The following SUGP1 variants were observed in gnomAD, a reference collection of about 807,000 sequenced individuals.
SUGP1 encodes the protein SURP and G-patch domain-containing protein 1.
Under a neutral mutation model 76.5 loss-of-function variants are expected in SUGP1, and 34 were observed. That is an observed-to-expected ratio of 0.44 (90% CI 0.34 to 0.59). The LOEUF (loss-of-function observed/expected upper bound fraction) is 0.59, where lower values mean the gene tolerates loss of function less well. Ranked by LOEUF, SUGP1 falls within the 20% of genes least tolerant of loss-of-function variation. The pLI, the probability that SUGP1 is intolerant of heterozygous loss-of-function variation, is 0.01. For missense variants in SUGP1, 752 were observed against 851.7 expected, an observed-to-expected ratio of 0.88 and a Z score of 1.46; for synonymous variants, 326 against 326.2, an observed-to-expected ratio of 1.00 and a Z score of 0.01.
At chr19:19,290,456 C>T (rs1271738651) in intron 8 of SUGP1, among the ~76,000 whole-genome samples, 2 of 152,050 alleles carry the variant, frequency 1.3e-5, no homozygotes, top group Non-Finnish European at 2.9e-5. Context: ...CCAGCCTGGC[C>T]AACGTGGCAA....
At chr19:19,319,996 C>G (rs2061428196) in intron 1 of SUGP1, among the ~76,000 whole-genome samples, 1 of 152,124 alleles carries the variant, frequency 6.6e-6, no homozygotes, top group Admixed American at 6.6e-5. Flanking sequence ...TCTGGGGAAG[C>G]AGAAAGGCCA....
At position 19,303,534 on chromosome 19, in the gene SUGP1, G is replaced by T; in HGVS notation, c.663-86C>A. ...CTGCAGCTTCTATCGTGCAAAAAAA[G>T]GCAGGCTGGCGAGCAGGGACCCGAA... On this transcript the variant is annotated intron_variant, in intron 5 of 13. Coordinates refer to ENST00000247001, the MANE Select transcript of SUGP1 (RefSeq NM_172231.4). 4 of 1,412,204 alleles carry T rather than the reference G, an allele frequency of 2.8e-6. No homozygotes were observed. The South Asian group carries it at 4.7e-5, about 17-fold the overall frequency. The allele number at this position is 1,412,204 out of a possible 1,614,324, so 87.5% of individuals were successfully genotyped here. A position where few individuals can be genotyped will look rare whatever the true frequency, so the allele number is the denominator to read the frequency against.
intron 8 of SUGP1, among the ~76,000 whole-genome samples, chr19:19,283,439 AG>A (rs2061115314): frequency 1.8e-5 from 2 of 114,118 alleles, no homozygotes; most frequent in African/African-American, 8.8e-5. Context: ...ATGCCCAGCT[AG>A]TTTTTTTTTT....
At chr19:19,315,766 C>T (rs1198702535) in intron 2 of SUGP1, among the ~76,000 whole-genome samples, 4 of 152,116 alleles carry the variant, frequency 2.6e-5, no homozygotes, top group African/African-American at 9.7e-5. Flanking sequence ...TGTTATCTTC[C>T]AGGAGCTCTG....
chr19:19,290,839 C>G (rs979988702), intron 8 of SUGP1, among the ~76,000 whole-genome samples: 2 of 151,956 alleles, frequency 1.3e-5, no homozygotes, highest in African/African-American at 4.8e-5. Context: ...AAGAAAGAGG[C>G]TGGGTGTGGT....
intron 12 of SUGP1, 92 bp from the exon 13 acceptor site, chr19:19,277,168 G>A (rs941493512): frequency 2.0e-5 from 29 of 1,467,900 alleles, no homozygotes; most frequent in African/African-American, 1.7e-4. Flanking sequence ...CACCTCCCGC[G>A]GGTGCAGGGC....
intron 8 of SUGP1, among the ~76,000 whole-genome samples, chr19:19,287,320 G>A (rs575607061): frequency 3.9e-5 from 6 of 152,238 alleles, no homozygotes; most frequent in Non-Finnish European, 8.8e-5. Context: ...CAGCATATTG[G>A]GAAGCTGAGG....
intron 3 of SUGP1, among the ~76,000 whole-genome samples, chr19:19,308,293 C>T (rs1175496041): frequency 6.6e-6 from 1 of 152,210 alleles, no homozygotes; most frequent in African/African-American, 2.4e-5. Flanking sequence ...CTTCGGCCTC[C>T]CAAAGTGCTG....
At chr19:19,310,285 T>C in intron 2 of SUGP1, 85 bp from the exon 3 acceptor site, 1 of 1,039,318 alleles carries the variant, frequency 9.6e-7, no homozygotes, top group Admixed American at 1.8e-5. Context: ...GATGAGGCCA[T>C]CACCTCGTCC....
intron 7 of SUGP1, 56 bp from the exon 8 acceptor site, chr19:19,297,400 A>ATTCTGGGCAGGATCAGTTCTGGCC: frequency 2.2e-6 from 3 of 1,349,532 alleles, no homozygotes; most frequent in Non-Finnish European, 3.0e-6. Flanking sequence ...CCTGTCCCTG[A>ATTCTGGGCAGGATCAGTTCTGGCC]TTCTGGGCAG....
intron 8 of SUGP1, among the ~76,000 whole-genome samples, chr19:19,291,525 T>C (rs1307237176): frequency 6.6e-6 from 1 of 151,514 alleles, no homozygotes; most frequent in Non-Finnish European, 1.5e-5. Flanking sequence ...ACACAAACCA[T>C]CAAAACACAA....
intron 8 of SUGP1, among the ~76,000 whole-genome samples, chr19:19,282,126 C>T (rs1451463929): frequency 6.6e-6 from 1 of 152,114 alleles, no homozygotes; most frequent in Non-Finnish European, 1.5e-5. Context: ...ACTACAGGCA[C>T]GTGGCACCAC....
Position 19,284,115 on chromosome 19 carries a change from T to C in SUGP1, c.1244-3824A>G, listed in dbSNP as rs569340147. On this transcript the variant is annotated intron_variant, in intron 8 of 13. Coordinates refer to ENST00000247001, the MANE Select transcript of SUGP1 (RefSeq NM_172231.4). ...AGTATTTTTCAGGTTTAGTGCAATA[T>C]AGTAAACCTTGAATAACATCATGGG... Among the ~76,000 whole-genome samples, 73 of 152,312 alleles carry C rather than the reference T, an allele frequency of 4.8e-4. 3 individuals are homozygous for C. In the Middle Eastern group the frequency reaches 0.014, roughly 28 times the overall value.
chr19:19,296,310 C>T (rs2146607848), intron 8 of SUGP1, among the ~76,000 whole-genome samples: 1 of 152,104 alleles, frequency 6.6e-6, no homozygotes, highest in Admixed American at 6.6e-5. Flanking sequence ...AATCACAGCA[C>T]TTTGGGAGGC....
chr19:19,298,324 C>G (rs2061245247), intron 7 of SUGP1, among the ~76,000 whole-genome samples: 1 of 152,112 alleles, frequency 6.6e-6, no homozygotes, highest in Non-Finnish European at 1.5e-5. Flanking sequence ...ATGGTGAAAT[C>G]CCGTCTGTAC....
At position 19,276,391 on chromosome 19, in the gene SUGP1, T is replaced by A. The variant is rs2061049621; in HGVS notation, c.*257A>T. 6.3e-6 allele frequency: 3 copies of A among 477,220 alleles called. No homozygotes were observed. The highest frequency in any genetic ancestry group is 3.6e-5 in the Admixed American group (1 of 27,770). The allele number at this position is 477,220 out of a possible 1,614,324, so 29.6% of individuals were successfully genotyped here. A position where few individuals can be genotyped will look rare whatever the true frequency, so the allele number is the denominator to read the frequency against. ...GCTGAAAACAACTTTCTTCCTCCCC[T>A]CCAGTGCAACCCAGGCTGAGCGGGG... On this transcript the variant is annotated 3_prime_UTR_variant, in exon 14 of 14. Transcript: ENST00000247001.
intron 6 of SUGP1, among the ~76,000 whole-genome samples, chr19:19,303,080 C>G (rs568794466): frequency 5.9e-5 from 9 of 152,214 alleles, no homozygotes; most frequent in Non-Finnish European, 1.3e-4. Flanking sequence ...CTGAACCGCT[C>G]TCCCAGAAGC....
chr19:19,278,644 G>A (rs370142064), intron 11 of SUGP1, 46 bp downstream of exon 11: 3 of 1,542,130 alleles, frequency 1.9e-6, no homozygotes, highest in Non-Finnish European at 1.8e-6. Flanking sequence ...CTACAGGAGG[G>A]GCTGGCATGT....
chr19:19,277,256 G>GGA (rs1555787455), intron 12 of SUGP1, among the ~76,000 whole-genome samples, 180 bp from the exon 13 acceptor site: 1 of 150,600 alleles, frequency 6.6e-6, no homozygotes, highest in Non-Finnish European at 1.5e-5. Context: ...GCGGGCGGGG[G>GGA]GGGGGGGCCT....
Sources: gnomAD v4.1 joint callset for allele counts (sites outside exome capture counted in the v4.1 genomes callset) on GRCh38, gnomAD v4.1.1 for gene constraint, MANE v1.5 for transcripts, NCBI Gene and HGNC (gene_info 2026-07-23, HGNC 2026-07-21) for gene names.